The following SYT9 variants were observed in gnomAD, a reference collection of about 807,000 sequenced individuals.
The protein encoded by SYT9 is synaptotagmin-9.
In SYT9, 22 loss-of-function variants were observed where a neutral mutation model predicts 48.4. That is an observed-to-expected ratio of 0.45 (90% CI 0.32 to 0.65). SYT9 has a LOEUF of 0.65. SYT9 is among the 30% of genes least tolerant of loss of function. The pLI is 0.03. For missense variants in SYT9, 577 were observed against 622.0 expected, an observed-to-expected ratio of 0.93 and a Z score of 0.77; for synonymous variants, 265 against 245.0, an observed-to-expected ratio of 1.08 and a Z score of -0.76.
rs541725357 is a variant in SYT9, at chr11:7,445,777, T to A, written c.1468-21015T>A. On this transcript the variant is annotated intron_variant, in intron 6 of 6. Coordinates refer to ENST00000318881, the MANE Select transcript of SYT9 (RefSeq NM_175733.4). The stretch of plus-strand genomic sequence containing the variant: ...AGGCAATTTTTCTAATAGACAGGAG[T>A]CTTGGGCTGAATCCTCTTCAGACTG... Among the ~76,000 whole-genome samples the A allele has an allele frequency of 3.3e-5, 5 of 151,932 alleles. No homozygotes were observed. In the East Asian group the frequency reaches 7.8e-4, roughly 24 times the overall value.
intron 6 of SYT9, among the ~76,000 whole-genome samples, chr11:7,423,442 G>A (rs1480968433): frequency 2.0e-5 from 3 of 152,144 alleles, no homozygotes; most frequent in Non-Finnish European, 4.4e-5. Context: ...TCGAATTGCT[G>A]TCCTGCCACT....
Position 7,404,152 on chromosome 11 carries a change from G to A in SYT9, c.1045-11890G>A, listed in dbSNP as rs1033224936. 3.3e-5 allele frequency among the ~76,000 whole-genome samples: 5 copies of A among 151,920 alleles called. No homozygotes were observed. The South Asian group carries it at 1.0e-3, about 31-fold the overall frequency. The stretch of plus-strand genomic sequence containing the variant: ...TTATTAGTGTTAATTATTTTTATTA[G>A]TTAATTCTTTTACTTTTTATCTATT... On this transcript the variant is annotated intron_variant, in intron 3 of 6. Coordinates refer to ENST00000318881, the MANE Select transcript of SYT9 (RefSeq NM_175733.4).
Position 7,251,933 on chromosome 11 carries a change from C to G in SYT9, c.-254C>G. 1 of 399,946 alleles carries G rather than the reference C, an allele frequency of 2.5e-6. No individual in the cohort carries two copies. The allele number at this position is 399,946 out of a possible 1,614,324, so 24.8% of individuals were successfully genotyped here. ...TGGGCTGTGCGGCACCGCCTCTCCT[C>G]GGTGTCTGGGGAGGGACGGAGGGAC... On this transcript the variant is annotated 5_prime_UTR_variant, in exon 1 of 7. Transcript: ENST00000318881.
At chr11:7,376,993 A>G (rs1850466739) in intron 3 of SYT9, among the ~76,000 whole-genome samples, 1 of 150,326 alleles carries the variant, frequency 6.7e-6, no homozygotes. Flanking sequence ...TATGTCCACA[A>G]CATAGAAAAT....
chr11:7,434,934 C>T (rs1035428922), intron 6 of SYT9: 3 of 152,186 alleles, frequency 2.0e-5, no homozygotes, highest in Non-Finnish European at 4.4e-5. Flanking sequence ...TAATGTGGCA[C>T]TTCCATTGCC....
chr11:7,442,520 T>C (rs1417756478), intron 6 of SYT9, among the ~76,000 whole-genome samples: 1 of 152,132 alleles, frequency 6.6e-6, no homozygotes, highest in Non-Finnish European at 1.5e-5. Flanking sequence ...GGAATCGGGA[T>C]TTCAGCTCCT....
intron 1 of SYT9, among the ~76,000 whole-genome samples, chr11:7,280,477 A>C (rs1318875486): frequency 6.6e-6 from 1 of 152,238 alleles, no homozygotes; most frequent in Non-Finnish European, 1.5e-5. Context: ...GCTGTTTACA[A>C]AGTAATGTCT....
intron 1 of SYT9, among the ~76,000 whole-genome samples, chr11:7,291,282 G>T (rs1848692724): frequency 6.6e-6 from 1 of 152,190 alleles, no homozygotes; most frequent in Middle Eastern, 3.2e-3. Flanking sequence ...AACTTCCATA[G>T]TTCCCTACTG....
intron 3 of SYT9, among the ~76,000 whole-genome samples, chr11:7,370,942 C>G (rs7935618): frequency 0.25 from 38,286 of 152,092 alleles, 6,190 homozygotes; most frequent in East Asian, 0.63. Context: ...CCCTTTGTAA[C>G]ATCTAAGTAT....
intron 3 of SYT9, among the ~76,000 whole-genome samples, chr11:7,385,862 T>G (rs1305634117): frequency 6.6e-6 from 1 of 152,208 alleles, no homozygotes; most frequent in African/African-American, 2.4e-5. Flanking sequence ...GAATTTTGGT[T>G]ATTCTTGGCA....
intron 3 of SYT9, among the ~76,000 whole-genome samples, chr11:7,342,758 A>C (rs1849736460): frequency 6.6e-6 from 1 of 152,192 alleles, no homozygotes; most frequent in Non-Finnish European, 1.5e-5. Context: ...GGGGGCTTCA[A>C]CACCACATTT....
At chr11:7,323,773 T>C (rs951396508) in intron 3 of SYT9, among the ~76,000 whole-genome samples, 1 of 152,008 alleles carries the variant, frequency 6.6e-6, no homozygotes, top group African/African-American at 2.4e-5. Context: ...GTTGCTTTTT[T>C]ATATACATGG....
intron 3 of SYT9, among the ~76,000 whole-genome samples, chr11:7,357,823 A>G (rs1046289858): frequency 1.4e-4 from 22 of 152,120 alleles, no homozygotes; most frequent in African/African-American, 5.1e-4. Context: ...AACCATTTTT[A>G]TTTTAAAAAC....
At chr11:7,391,987 T>C (rs574609349) in intron 3 of SYT9, among the ~76,000 whole-genome samples, 14 of 152,160 alleles carry the variant, frequency 9.2e-5, no homozygotes, top group Admixed American at 5.2e-4. Context: ...TTGATTTGCT[T>C]AATTTCCTTA....
chr11:7,280,998 A>G (rs1400696514), intron 1 of SYT9, among the ~76,000 whole-genome samples: 1 of 152,188 alleles, frequency 6.6e-6, no homozygotes, highest in Non-Finnish European at 1.5e-5. Context: ...GTGTTTAATA[A>G]TCAGCTCTCA....
chr11:7,260,477 A>G (rs1049069809), intron 1 of SYT9, among the ~76,000 whole-genome samples: 2 of 152,208 alleles, frequency 1.3e-5, no homozygotes, highest in Admixed American at 1.3e-4. Context: ...CTAGTAAACA[A>G]TGGTCAAATC....
At chr11:7,304,684 G>T (rs1271575658) in intron 2 of SYT9, among the ~76,000 whole-genome samples, 1 of 152,196 alleles carries the variant, frequency 6.6e-6, no homozygotes, top group Non-Finnish European at 1.5e-5. Flanking sequence ...ATATGCCTCT[G>T]TGAGGAGATG....
chr11:7,255,302 G>A (rs1847947355), intron 1 of SYT9, among the ~76,000 whole-genome samples: 1 of 143,730 alleles, frequency 7.0e-6, no homozygotes, highest in African/African-American at 2.6e-5. Context: ...TGGCTGGAGA[G>A]GTGTGAAACA....
intron 3 of SYT9, among the ~76,000 whole-genome samples, chr11:7,348,176 A>T (rs1174894988): frequency 2.6e-5 from 4 of 152,208 alleles, no homozygotes; most frequent in Non-Finnish European, 5.9e-5. Context: ...GAAAAACTAC[A>T]GGACCTCCCC....
Sources: allele counts gnomAD v4.1 joint callset (sites outside exome capture counted in the v4.1 genomes callset), GRCh38; gene constraint gnomAD v4.1.1; transcripts MANE v1.5; gene names NCBI Gene and HGNC (gene_info 2026-07-23, HGNC 2026-07-21).